WLS: variants seen among roughly 807,000 people sequenced by gnomAD.
WLS encodes the protein protein wntless homolog.
In WLS, 23 loss-of-function variants were observed where a neutral mutation model predicts 62.8. The observed-to-expected ratio is 0.37, with a 90% confidence interval of 0.26 to 0.52. WLS has a LOEUF of 0.52. Among genes scored for constraint, WLS ranks in the 20% least tolerant of loss-of-function variants. WLS has a pLI of 0.92. For missense variants in WLS, 615 were observed against 697.3 expected (o/e 0.88, Z 1.33); for synonymous variants, 246 against 244.1 (o/e 1.01, Z -0.07).
intron 3 of WLS, among the ~76,000 whole-genome samples, chr1:68,158,363 T>A (rs929062771): frequency 6.6e-6 from 1 of 152,202 alleles, no homozygotes; most frequent in Non-Finnish European, 1.5e-5. Context: ...GGTTTACCCA[T>A]GGAGGGCCTT....
intron 5 of WLS, 64 bp downstream of exon 5, chr1:68,153,452 AG>A: frequency 6.2e-7 from 1 of 1,602,056 alleles, no homozygotes; most frequent in East Asian, 2.2e-5. Flanking sequence ...CACCAGCAAA[AG>A]CAAGAGCTTG....
intron 1 of WLS, among the ~76,000 whole-genome samples, chr1:68,226,427 G>T (rs1296492931): frequency 6.6e-6 from 1 of 151,994 alleles, no homozygotes; most frequent in East Asian, 1.9e-4. Flanking sequence ...AATTAGACAG[G>T]CTTTGGCACA....
At chr1:68,220,376 A>G (rs1011218543) in intron 1 of WLS, among the ~76,000 whole-genome samples, 1 of 152,244 alleles carries the variant, frequency 6.6e-6, no homozygotes, top group Admixed American at 6.5e-5. Flanking sequence ...AATGGCTCAC[A>G]TATATTAATT....
intron 2 of WLS, among the ~76,000 whole-genome samples, chr1:68,181,846 C>T (rs1378510356): frequency 6.6e-6 from 1 of 152,166 alleles, no homozygotes; most frequent in Non-Finnish European, 1.5e-5. Flanking sequence ...TTCAAAAATG[C>T]ATATAAGCAA....
chr1:68,187,966 T>G (rs1415733055), intron 2 of WLS, among the ~76,000 whole-genome samples: 1 of 152,228 alleles, frequency 6.6e-6, no homozygotes, highest in African/African-American at 2.4e-5. Context: ...AGGCTCTGCA[T>G]TATGTTACTC....
chr1:68,168,649 C>T (rs954734850), intron 2 of WLS, among the ~76,000 whole-genome samples: 4 of 152,084 alleles, frequency 2.6e-5, no homozygotes, highest in African/African-American at 9.7e-5. Context: ...GGGCCTTTGC[C>T]CTGGGAAAAA....
intron 5 of WLS, among the ~76,000 whole-genome samples, chr1:68,152,761 G>T (rs1416068855): frequency 6.6e-6 from 1 of 152,150 alleles, no homozygotes; most frequent in East Asian, 1.9e-4. Context: ...GGAAATGGGA[G>T]AATTTTGTCT....
At chr1:68,212,750 A>T (rs899770919) in intron 1 of WLS, among the ~76,000 whole-genome samples, 1 of 152,146 alleles carries the variant, frequency 6.6e-6, no homozygotes, top group Non-Finnish European at 1.5e-5. Context: ...GCCTTCATAT[A>T]ATTATCTTAT....
rs368054560 is a variant in WLS, at chr1:68,172,990, C to T, written c.380-13743G>A. Among the ~76,000 whole-genome samples, 131 of 152,244 alleles carry T rather than the reference C, an allele frequency of 8.6e-4. 2 individuals are homozygous for T. The highest frequency in any genetic ancestry group is 6.8e-3 in the Middle Eastern group (2 of 292). ...GAGATTCTGGCAGCTGTGCGGAAGA[C>T]GGACTGGGATGGGGGGCCAGGTAGA... On this transcript the variant is annotated intron_variant, in intron 2 of 11. Coordinates refer to ENST00000262348, the MANE Select transcript of WLS (RefSeq NM_024911.7).
At chr1:68,163,614 T>C (rs1041271329) in intron 2 of WLS, among the ~76,000 whole-genome samples, 132 of 25,794 alleles carry the variant, frequency 5.1e-3, no homozygotes, top group African/African-American at 5.3e-3. Flanking sequence ...ACCCTACCCC[T>C]CCAGAGAAGT....
At chr1:68,137,971 G>C in intron 10 of WLS, 38 bp from the exon 11 acceptor site, 1 of 1,608,042 alleles carries the variant, frequency 6.2e-7, no homozygotes, top group Non-Finnish European at 8.5e-7. Flanking sequence ...TTGAAACAGA[G>C]AAGAAACAGA....
intron 11 of WLS, among the ~76,000 whole-genome samples, chr1:68,119,188 A>G (rs1206382174): frequency 6.6e-6 from 1 of 152,276 alleles, no homozygotes. Flanking sequence ...TTTCCTAGAT[A>G]TATTTTGAAA....
intron 2 of WLS, among the ~76,000 whole-genome samples, chr1:68,177,325 AT>A (rs1157899128): frequency 6.6e-6 from 1 of 152,128 alleles, no homozygotes; most frequent in Admixed American, 6.5e-5. Flanking sequence ...GTCTATGCAT[AT>A]TTGTCTCCCA....
chr1:68,200,316 C>T (rs1171505068), intron 1 of WLS, among the ~76,000 whole-genome samples: 1 of 152,116 alleles, frequency 6.6e-6, no homozygotes, highest in Non-Finnish European at 1.5e-5. Flanking sequence ...GCTGCCAGCA[C>T]CATCTCTCCA....
At chr1:68,102,058 G>A (rs1484446219) in intron 11 of WLS, among the ~76,000 whole-genome samples, 1 of 152,170 alleles carries the variant, frequency 6.6e-6, no homozygotes, top group Non-Finnish European at 1.5e-5. Context: ...AGGTGAAGGT[G>A]GTTAGACTTG....
chr1:68,138,677 T>C (rs1163261407), intron 10 of WLS, among the ~76,000 whole-genome samples: 1 of 152,230 alleles, frequency 6.6e-6, no homozygotes, highest in Non-Finnish European at 1.5e-5. Flanking sequence ...TCTTAAGGGC[T>C]GCCTAAAGAT....
At chr1:68,204,257 G>C (rs1649177004) in intron 1 of WLS, among the ~76,000 whole-genome samples, 1 of 152,010 alleles carries the variant, frequency 6.6e-6, no homozygotes, top group Non-Finnish European at 1.5e-5. Flanking sequence ...TAGAATTGAG[G>C]GTAGAGGTAC....
At chr1:68,129,346 T>A (rs1244809305) in intron 11 of WLS, among the ~76,000 whole-genome samples, 1 of 152,042 alleles carries the variant, frequency 6.6e-6, no homozygotes, top group Non-Finnish European at 1.5e-5. Flanking sequence ...AAACTACACA[T>A]AAAATAATTT....
In WLS at chr1:68,142,385, G is replaced by A. The variant is rs1447603954; in HGVS notation, c.1362+2184C>T. ...CTTCCTTGAGATGCCGTTTCTCCAA[G>A]GAAGTGCTCTGTGCCCTCTCAGCCT... On this transcript the variant is annotated intron_variant, in intron 10 of 11. Transcript: ENST00000262348. 3.9e-5 allele frequency among the ~76,000 whole-genome samples: 6 copies of A among 152,322 alleles called. No homozygotes were observed. The East Asian group carries it at 1.2e-3, about 29-fold the overall frequency.
Sources: allele counts gnomAD v4.1 joint callset (sites outside exome capture counted in the v4.1 genomes callset), GRCh38; gene constraint gnomAD v4.1.1; transcripts MANE v1.5; gene names NCBI Gene and HGNC (gene_info 2026-07-23, HGNC 2026-07-21).